The following KDM2A variants were observed in gnomAD, a reference collection of about 807,000 sequenced individuals.
The protein encoded by KDM2A is lysine-specific demethylase 2A.
A neutral mutation model predicts 137.3 loss-of-function variants in KDM2A; 3 were observed. The observed-to-expected ratio is 0.02, with a 90% confidence interval of 0.01 to 0.06. The LOEUF (loss-of-function observed/expected upper bound fraction) is 0.06, where lower values mean the gene tolerates loss of function less well. Ranked by LOEUF, KDM2A falls within the 10% of genes least tolerant of loss-of-function variation. KDM2A has a pLI of 1.00. For synonymous variants in KDM2A, 512 were observed against 541.5 expected (o/e 0.95, Z 0.76); for missense variants, 738 against 1,510.6 (o/e 0.49, Z 8.48).
intron 12 of KDM2A, among the ~76,000 whole-genome samples, chr11:67,239,371 C>T (rs1463132466): frequency 1.3e-5 from 2 of 152,058 alleles, no homozygotes; most frequent in African/African-American, 4.8e-5. Flanking sequence ...GAGTCCTTGT[C>T]AGAATCAGAA....
At chr11:67,121,507 C>T (rs1855596471) in intron 2 of KDM2A, 149 bp downstream of exon 2, 1 of 655,850 alleles carries the variant, frequency 1.5e-6, no homozygotes, top group South Asian at 2.1e-5. Context: ...GTATTAATAT[C>T]GAATTTGGCT....
At chr11:67,124,336 G>A (rs1231759426) in intron 2 of KDM2A, among the ~76,000 whole-genome samples, 1 of 150,680 alleles carries the variant, frequency 6.6e-6, no homozygotes, top group East Asian at 1.9e-4. Context: ...TTTTGAAATG[G>A]AGACTCACTC....
chr11:67,121,384 C>A lies in KDM2A; in HGVS notation c.42+26C>A, dbSNP rs1855594446. 5 of 1,605,374 alleles carry A rather than the reference C, an allele frequency of 3.1e-6. No homozygotes were observed. In the Admixed American group the frequency reaches 6.7e-5, roughly 21 times the overall value. On this transcript the variant is annotated intron_variant, in intron 2 of 20. Coordinates refer to ENST00000529006, the MANE Select transcript of KDM2A (RefSeq NM_012308.3). Reference sequence around the variant, plus strand: ...GTTAGTATTTTCTCCCCCCACCACACCCTCCAGTTTTAAAGTAGGATAACT... The same window carrying A: ...GTTAGTATTTTCTCCCCCCACCACAACCTCCAGTTTTAAAGTAGGATAACT...
At chr11:67,138,290 C>T (rs984079495) in intron 2 of KDM2A, among the ~76,000 whole-genome samples, 6 of 151,992 alleles carry the variant, frequency 3.9e-5, no homozygotes, top group African/African-American at 4.8e-5. Context: ...GTTATGTAGT[C>T]CTAAAAATAC....
At chr11:67,150,819 A>G (rs1856367606) in intron 2 of KDM2A, among the ~76,000 whole-genome samples, 1 of 149,180 alleles carries the variant, frequency 6.7e-6, no homozygotes, top group African/African-American at 2.5e-5. Context: ...TAAAATTAAA[A>G]TGCCAAGGTA....
At chr11:67,193,239 C>T (rs1367606528) in intron 5 of KDM2A, among the ~76,000 whole-genome samples, 1 of 152,172 alleles carries the variant, frequency 6.6e-6, no homozygotes, top group Middle Eastern at 3.2e-3. Flanking sequence ...ATCCACCCGC[C>T]TCAGCCTCCC....
chr11:67,139,506 A>G (rs1217757814), intron 2 of KDM2A, among the ~76,000 whole-genome samples: 4 of 152,078 alleles, frequency 2.6e-5, no homozygotes, highest in East Asian at 3.9e-4. Context: ...CGGCCCCCCA[A>G]AGTGCTAGGA....
chr11:67,184,822 A>G (rs1857168211), intron 5 of KDM2A, among the ~76,000 whole-genome samples: 1 of 152,224 alleles, frequency 6.6e-6, no homozygotes, highest in Non-Finnish European at 1.5e-5. Flanking sequence ...TGACACAGAG[A>G]TAGCCTATAA....
chr11:67,120,261 C>T (rs535135003), intron 1 of KDM2A, among the ~76,000 whole-genome samples: 14 of 152,362 alleles, frequency 9.2e-5, no homozygotes, highest in Non-Finnish European at 1.3e-4. Context: ...CACGGTTTCC[C>T]TCCCGACTTC....
At chr11:67,157,051 C>T (rs1004487587) in intron 2 of KDM2A, among the ~76,000 whole-genome samples, 2 of 152,100 alleles carry the variant, frequency 1.3e-5, no homozygotes, top group Admixed American at 6.5e-5. Flanking sequence ...CGGTGGCTCA[C>T]GCCTGTAATC....
At chr11:67,154,955 C>A (rs1856480689) in intron 2 of KDM2A, among the ~76,000 whole-genome samples, 1 of 152,206 alleles carries the variant, frequency 6.6e-6, no homozygotes, top group Admixed American at 6.5e-5. Context: ...CTTTTAGCTA[C>A]TGTGAATAGT....
At chr11:67,240,857 C>A (rs915590885) in intron 12 of KDM2A, among the ~76,000 whole-genome samples, 4 of 152,114 alleles carry the variant, frequency 2.6e-5, no homozygotes, top group African/African-American at 7.2e-5. Context: ...GGAAGGAAAT[C>A]TGCATTTCCC....
At chr11:67,230,163 G>A (rs554442940) in intron 11 of KDM2A, among the ~76,000 whole-genome samples, 3 of 149,550 alleles carry the variant, frequency 2.0e-5, no homozygotes, top group East Asian at 2.0e-4. Flanking sequence ...GTGACAGAGC[G>A]AGACTCCGTC....
chr11:67,148,940 G>C (rs1439695265), intron 2 of KDM2A: 1 of 152,162 alleles, frequency 6.6e-6, no homozygotes, highest in Non-Finnish European at 1.5e-5. Flanking sequence ...CAGCATTACA[G>C]ATCTACTTAA....
At chr11:67,229,706 T>TA (rs1197526674) in intron 11 of KDM2A, among the ~76,000 whole-genome samples, 1 of 150,288 alleles carries the variant, frequency 6.7e-6, no homozygotes, top group Non-Finnish European at 1.5e-5. Flanking sequence ...CTGTCTCTAC[T>TA]AAAAAATACA....
intron 2 of KDM2A, among the ~76,000 whole-genome samples, chr11:67,121,639 A>G (rs1212594621): frequency 6.6e-6 from 1 of 152,186 alleles, no homozygotes; most frequent in African/African-American, 2.4e-5. Context: ...CAATGTGACA[A>G]AGATTCCTGA....
rs751891592 is a variant in KDM2A at position 67,250,288 on chromosome 11, G to T, written c.2258G>T (p.Arg753Leu). 2 of 1,613,928 alleles carry T rather than the reference G, an allele frequency of 1.2e-6. No homozygotes were observed. The highest frequency in any genetic ancestry group is 1.7e-5 in the Admixed American group (1 of 60,020). The change falls in exon 17 of 21, where the codon CGC (arginine) becomes CTC (leucine). Residue 753 changes from arginine to leucine, a missense_variant. Transcript: ENST00000529006. The surrounding 1 kb of genome is among the most constrained non-coding windows in gnomAD (Gnocchi z 7.1). ...CCCAGCGACCACCACAGTGCCAGCC[G>T]CGATGAGCGCTTCAAACGGCGGCAG... is the stretch of plus-strand genomic sequence containing the variant. ...AGPSDHHSAS[R>L]DERFKRRQLL... is the part of the protein sequence containing the mutation.
At chr11:67,167,231 G>A (rs138645118) in intron 2 of KDM2A, among the ~76,000 whole-genome samples, 50 of 152,300 alleles carry the variant, frequency 3.3e-4, no homozygotes, top group African/African-American at 1.1e-3. Context: ...TCAAGATGAT[G>A]TTGAGATGCC....
intron 2 of KDM2A, among the ~76,000 whole-genome samples, chr11:67,130,721 A>G (rs1002742346): frequency 2.6e-5 from 4 of 152,076 alleles, no homozygotes; most frequent in African/African-American, 9.7e-5. Flanking sequence ...TTATTTTTGC[A>G]TTGCACTTTC....
Sources: allele counts gnomAD v4.1 joint callset (sites outside exome capture counted in the v4.1 genomes callset), GRCh38; gene constraint gnomAD v4.1.1; non-coding constraint Gnocchi (gnomAD v3.1); transcripts MANE v1.5; gene names NCBI Gene and HGNC (gene_info 2026-07-23, HGNC 2026-07-21).